The following MUC5B variants were observed in gnomAD, a reference collection of about 807,000 sequenced individuals.
MUC5B encodes mucin 5B, oligomeric mucus/gel-forming.
A neutral mutation model predicts 376.9 loss-of-function variants in MUC5B; 116 were observed. The observed-to-expected ratio is 0.31, with a 90% CI of 0.26 to 0.36. MUC5B has a LOEUF of 0.36. Among genes scored for constraint, MUC5B ranks in the 10% least tolerant of loss-of-function variants. The pLI, the probability that MUC5B is intolerant of heterozygous loss-of-function variation, is 1.00. For missense variants in MUC5B, 7,165 were observed against 7,769.9 expected (o/e 0.92, Z 2.93); for synonymous variants, 3,517 against 3,390.9 (o/e 1.04, Z -1.29).
intron 34 of MUC5B, 149 bp from the exon 35 acceptor site, chr11:1,254,545 C>A: frequency 8.4e-7 from 1 of 1,185,992 alleles, no homozygotes; most frequent in Non-Finnish European, 1.2e-6. Flanking sequence ...CAGCTGGAGA[C>A]TCCAGGCCCC....
At position 1,249,662 on chromosome 11, in the gene MUC5B, C is replaced by A. The variant is rs200912848; in HGVS notation, c.12782C>A (p.Ala4261Glu). The change falls in exon 31 of 49, where the codon GCA becomes GAA. Residue 4261 changes from alanine (A) to glutamate (E), a missense_variant. Ala to Glu is a moderately radical substitution (Grantham distance 107). Around this residue, in one of 31 missense-constraint regions of MUC5B, gnomAD observed 431 missense variants for 390.4 expected, o/e 1.10. Coordinates refer to ENST00000529681, the MANE Select transcript of MUC5B (RefSeq NM_002458.3). Reference protein sequence around the residue: ...TELTTTATTTASTGSTATPSS... With the variant: ...TELTTTATTTESTGSTATPSS... ...CTGACCACAACAGCCACTACGACTG[C>A]ATCCACTGGATCCACGGCCACCCCG... The A allele has an allele frequency of 6.3e-4, 1,007 of 1,611,168 alleles. 13 individuals are homozygous for A. Among genetic ancestry groups the A allele is most frequent in the African/African-American group, 5.6e-3 (418 of 74,712 alleles).
At position 1,242,372 on chromosome 11, in the gene MUC5B, G is replaced by A. The variant is rs368985590; in HGVS notation, c.5492G>A (p.Arg1831Gln). Residue 1831 changes from arginine (R) to glutamine (Q), a missense_variant, in exon 31 of 49, where the codon CGG (arginine) becomes CAG (glutamine). Physicochemically the swap from Arg to Gln is conservative, Grantham distance 43. This residue lies in a region of MUC5B where 897 missense variants were observed against 779.6 expected (regional missense o/e 1.15). Transcript: ENST00000529681. ...TGGGCACCAAAGAGCATAGAGTGCC[G>A]GGCGGAGAACTACCCCGAGGTAAGC... Reference protein sequence around the residue: ...MCWAPKSIECRAENYPEVSID... With the variant: ...MCWAPKSIECQAENYPEVSID... 38 of 1,613,724 alleles carry A rather than the reference G, an allele frequency of 2.4e-5. No individual in the cohort carries two copies. Among genetic ancestry groups the A allele is most frequent in the Admixed American group, 1.0e-4 (6 of 59,988 alleles).
rs1374211534 is a variant in MUC5B at position 1,247,652 on chromosome 11, C to T, written c.10772C>T (p.Ser3591Phe). 7 of 1,604,966 alleles carry T rather than the reference C, an allele frequency of 4.4e-6. No individual in the cohort carries two copies. Among genetic ancestry groups the T allele is most frequent in the South Asian group, 1.1e-5 (1 of 90,676 alleles). Reference protein sequence around the residue: ...LDYSYPMPGPSGGDFDTYSNI... With the variant: ...LDYSYPMPGPFGGDFDTYSNI... Reference sequence around the variant, plus strand: ...TACAGCTACCCCATGCCGGGGCCCTCTGGCGGGGACTTTGACACCTACTCC... The same window carrying T: ...TACAGCTACCCCATGCCGGGGCCCTTTGGCGGGGACTTTGACACCTACTCC... The change falls in exon 31 of 49, where the codon TCT becomes TTT. Residue 3591 changes from serine (S) to phenylalanine (F), a missense_variant. Transcript: ENST00000529681.
intron 3 of MUC5B, 48 bp from the exon 4 acceptor site, chr11:1,226,567 C>A (rs2133804557): frequency 6.4e-7 from 1 of 1,570,960 alleles, no homozygotes; most frequent in Non-Finnish European, 8.6e-7. Context: ...GGAGGCTACC[C>A]CGTGGGGGGC....
rs367855925 is a variant in MUC5B, at chr11:1,247,574, C to T, written c.10694C>T (p.Thr3565Met). 156 of 1,610,968 alleles carry T rather than the reference C, an allele frequency of 9.7e-5. No homozygotes were observed. The Middle Eastern group carries it at 2.7e-3, about 28-fold the overall frequency. Residue 3565 changes from threonine (T) to methionine (M), a missense_variant, in exon 31 of 49, where the codon ACG becomes ATG. By Grantham distance (81) the Thr-to-Met change is moderately conservative. Around this residue, in one of 31 missense-constraint regions of MUC5B, gnomAD observed 81 missense variants for 154.5 expected, o/e 0.52. Coordinates refer to ENST00000529681, the MANE Select transcript of MUC5B (RefSeq NM_002458.3). Reference protein sequence around the residue: ...PSSPTSAPITTVVTTGCEPQC... With the variant: ...PSSPTSAPITMVVTTGCEPQC... ...AGCCCCACATCGGCCCCCATAACCACGGTGGTGACCACGGGCTGTGAGCCC... is the reference window on the plus strand; with the variant it reads ...AGCCCCACATCGGCCCCCATAACCATGGTGGTGACCACGGGCTGTGAGCCC...
chr11:1,230,913 C>T (rs1214674693), intron 12 of MUC5B, 23 bp from the exon 13 acceptor site: 18 of 1,569,594 alleles, frequency 1.1e-5, no homozygotes, highest in Non-Finnish European at 1.6e-5. Context: ...CAGAGCTGAC[C>T]TCCCGCCCGC....
chr11:1,242,723 T>A lies in MUC5B; in HGVS notation c.5843T>A (p.Val1948Asp). 1 of 1,592,370 alleles carries A rather than the reference T, an allele frequency of 6.3e-7. No homozygotes were observed. The highest frequency in any genetic ancestry group is 1.1e-5 in the South Asian group (1 of 89,744). The change falls in exon 31 of 49, where the codon GTC (valine) becomes GAC (aspartate). Residue 1948 changes from valine to aspartate, a missense_variant. Physicochemically the swap from Val to Asp is radical, Grantham distance 152. Around this residue, in one of 31 missense-constraint regions of MUC5B, gnomAD observed 897 missense variants for 779.6 expected, o/e 1.15. Coordinates refer to ENST00000529681, the MANE Select transcript of MUC5B (RefSeq NM_002458.3). ...VLTTTATTPTVTSSKATPSSS... is the reference protein window; with the variant it reads ...VLTTTATTPTDTSSKATPSSS... ...ACCACCACGGCCACCACACCCACAG[T>A]CACCAGCTCCAAAGCCACTCCCTCC...
In MUC5B at chr11:1,227,059, C is replaced by T. The variant is rs775298985; in HGVS notation, c.490C>T (p.Leu164Phe). ...REELPYSRTG[L>F]LVEQSGDYIK... Reference sequence around the variant, plus strand: ...GGAGCTGCCTTACAGCCGCACTGGCCTCCTGGTGGAGCAGAGCGGGGACTA... The same window carrying T: ...GGAGCTGCCTTACAGCCGCACTGGCTTCCTGGTGGAGCAGAGCGGGGACTA... Residue 164 changes from leucine to phenylalanine, a missense_variant, in exon 5 of 49, where the codon CTC (leucine) becomes TTC (phenylalanine). Physicochemically the swap from Leu to Phe is conservative, Grantham distance 22. Around this residue, in one of 31 missense-constraint regions of MUC5B, gnomAD observed 640 missense variants for 733.0 expected, o/e 0.87. Transcript: ENST00000529681. 2.1e-5 allele frequency: 34 copies of T among 1,611,818 alleles called. No homozygotes were observed. The highest frequency in any genetic ancestry group is 3.3e-4 in the Middle Eastern group (2 of 6,000).
rs774531281 is a variant in MUC5B, at chr11:1,229,247, G to A, written c.1054G>A (p.Ala352Thr). The A allele has an allele frequency of 7.6e-5, 121 of 1,592,058 alleles. No homozygotes were observed. Among genetic ancestry groups the A allele is most frequent in the African/African-American group, 1.2e-4 (9 of 74,344 alleles). The part of the protein sequence containing the change: ...CTDTCSNPQR[A>T]QLCEDHCVDG... ...GGACACCTGCTCCAACCCCCAGCGC[G>A]CGCAGCTCTGCGAGGACCACTGTGT... Residue 352 changes from alanine to threonine, a missense_variant, in exon 9 of 49, where the codon GCG becomes ACG. Ala to Thr is a moderately conservative substitution (Grantham distance 58). Coordinates refer to ENST00000529681, the MANE Select transcript of MUC5B (RefSeq NM_002458.3).
In MUC5B at chr11:1,231,486, A is replaced by AGCTGCTC; in HGVS notation, c.1610_1611insCGCTGCT (p.Val538AlafsTer36). 6.2e-7 allele frequency: 1 copy of AGCTGCTC among 1,609,512 alleles called. No homozygotes were observed. Among genetic ancestry groups the AGCTGCTC allele is most frequent in the Non-Finnish European group, 8.5e-7 (1 of 1,178,598 alleles). On this transcript the variant is annotated frameshift_variant, in exon 14 of 49. Coordinates refer to ENST00000529681, the MANE Select transcript of MUC5B (RefSeq NM_002458.3). LOFTEE classifies it high-confidence loss of function. ...GTGGTGCAGACAGGCCTGGGGCTGC[A>AGCTGCTC]GCTGCTGGTGCAGCTGGTGCCACTC...
Position 1,234,809 on chromosome 11 carries a change from G to T in MUC5B, c.2630+129G>T, listed in dbSNP as rs1394674088. The T allele has an allele frequency of 1.3e-5, 15 of 1,139,760 alleles. No homozygotes were observed. The highest frequency in any genetic ancestry group is 1.7e-5 in the Non-Finnish European group (14 of 829,576). The allele number at this position is 1,139,760 out of a possible 1,614,324, so 70.6% of individuals were successfully genotyped here. On this transcript the variant is annotated intron_variant, in intron 21 of 48. Transcript: ENST00000529681. This position sits in a 1 kb window ranked among gnomAD's most constrained non-coding sequence, Gnocchi z 6.3. ...GGGGGCCAGCTGGCCAGGGTGAGGT[G>T]GGGCCGTGGCAGGAGAGAGAGTTGC...
chr11:1,226,910 G>A (rs780452254), intron 4 of MUC5B, 34 bp downstream of exon 4: 14 of 1,597,726 alleles, frequency 8.8e-6, no homozygotes, highest in South Asian at 7.8e-5. Flanking sequence ...GGCGAGGGCC[G>A]GGCCACACAG....
intron 12 of MUC5B, 127 bp downstream of exon 12, chr11:1,230,727 C>A: frequency 1.3e-6 from 1 of 757,958 alleles, no homozygotes; most frequent in Non-Finnish European, 2.0e-6. Flanking sequence ...CAGGCCAGGT[C>A]CCCCTCCAGC....
chr11:1,232,435 A>G lies in MUC5B; in HGVS notation c.1844-15A>G. On this transcript the variant is annotated splice_polypyrimidine_tract_variant and intron_variant, in intron 15 of 48. Transcript: ENST00000529681. The stretch of plus-strand genomic sequence containing the variant: ...CGGGGCAGGGCGTGGAGATGAGGTC[A>G]GGTCTTCCCCACAGAGAACTACGCC... 6.3e-7 allele frequency: 1 copy of G among 1,595,038 alleles called. No homozygotes were observed. Among genetic ancestry groups the G allele is most frequent in the Non-Finnish European group, 8.5e-7 (1 of 1,171,980 alleles).
chr11:1,228,351 C>T (rs1217823134), intron 7 of MUC5B, among the ~76,000 whole-genome samples: 4 of 152,314 alleles, frequency 2.6e-5, no homozygotes, highest in African/African-American at 9.6e-5. Context: ...CGGGCAGGCA[C>T]ATCCGGAGTA....
At chr11:1,255,347 C>T in intron 36 of MUC5B, 36 bp from the exon 37 acceptor site, 1 of 1,552,178 alleles carries the variant, frequency 6.4e-7, no homozygotes, top group Non-Finnish European at 8.7e-7. Context: ...CTCCCTGGGG[C>T]TGGGGGCCCT....
intron 7 of MUC5B, among the ~76,000 whole-genome samples, 170 bp downstream of exon 7, chr11:1,227,951 G>A (rs1861927462): frequency 6.6e-6 from 1 of 152,198 alleles, no homozygotes; most frequent in African/African-American, 2.4e-5. Context: ...CTGTCCGAGT[G>A]TGGTGACGTG....
chr11:1,251,400 C>T lies in MUC5B; in HGVS notation c.14520C>T (p.Ser4840=), dbSNP rs1192163879. ...CTGGATCCACGGCCACCCTGTCCTC[C>T]ACCCCAGGGACCACCTGGATCCTCA... ...AATGSTATLS[S]TPGTTWILTE... is the part of the protein sequence containing the mutation. The change falls in exon 31 of 49, where the codon TCC becomes TCT. Residue 4840 remains serine, a synonymous_variant. Transcript: ENST00000529681. 3.1e-6 allele frequency: 5 copies of T among 1,612,412 alleles called. No individual in the cohort carries two copies. Among genetic ancestry groups the T allele is most frequent in the Non-Finnish European group, 4.2e-6 (5 of 1,179,192 alleles).
In MUC5B at chr11:1,260,097, A is replaced by C. The variant is rs1564954812; in HGVS notation, c.16923+12A>C. 3 of 1,611,906 alleles carry C rather than the reference A, an allele frequency of 1.9e-6. No homozygotes were observed. The highest frequency in any genetic ancestry group is 2.5e-6 in the Non-Finnish European group (3 of 1,179,360). On this transcript the variant is annotated intron_variant, in intron 46 of 48. Transcript: ENST00000529681. ...TGTCCAGCTGCAGGGTGTGTGCTGGAGGCCCTGCCCCTGCCTGGGAGTCCT... is the reference window on the plus strand; with the variant it reads ...TGTCCAGCTGCAGGGTGTGTGCTGGCGGCCCTGCCCCTGCCTGGGAGTCCT...
Sources: allele counts gnomAD v4.1 joint callset (sites outside exome capture counted in the v4.1 genomes callset), GRCh38; gene constraint gnomAD v4.1.1; regional missense constraint gnomAD v4.1.1; non-coding constraint Gnocchi (gnomAD v3.1); transcripts MANE v1.5; gene names NCBI Gene and HGNC (gene_info 2026-07-23, HGNC 2026-07-21).